The following SCMH1 variants were observed in gnomAD, a reference collection of about 807,000 sequenced individuals.
The protein encoded by SCMH1 is polycomb protein SCMH1.
In SCMH1, 37 loss-of-function variants were observed where a neutral mutation model predicts 70.8. That is an observed-to-expected ratio of 0.52 (90% CI 0.40 to 0.69). The LOEUF (loss-of-function observed/expected upper bound fraction) is 0.69, where lower values mean the gene tolerates loss of function less well. Among genes scored for constraint, SCMH1 ranks in the 30% least tolerant of loss-of-function variants. The pLI is 0.00. For missense variants in SCMH1, 607 were observed against 827.3 expected, an observed-to-expected ratio of 0.73 and a Z score of 3.27; for synonymous variants, 292 against 307.4, an observed-to-expected ratio of 0.95 and a Z score of 0.52.
intron 1 of SCMH1, among the ~76,000 whole-genome samples, chr1:41,213,217 G>A (rs2148810387): frequency 6.6e-6 from 1 of 152,256 alleles, no homozygotes; most frequent in African/African-American, 2.4e-5. Flanking sequence ...AAGTCCCAAA[G>A]AATCAATAGA....
chr1:41,045,013 C>A (rs944263282), intron 12 of SCMH1, among the ~76,000 whole-genome samples: 1 of 152,070 alleles, frequency 6.6e-6, no homozygotes, highest in Non-Finnish European at 1.5e-5. Flanking sequence ...ATGTGCTAAC[C>A]CCCATTCATG....
chr1:41,149,937 A>G (rs551792431), intron 5 of SCMH1, among the ~76,000 whole-genome samples: 8 of 152,158 alleles, frequency 5.3e-5, no homozygotes, highest in Non-Finnish European at 1.0e-4. Flanking sequence ...GACCCTCTGA[A>G]GATCACTGTG....
chr1:41,141,789 T>TA (rs1644102198), intron 6 of SCMH1, among the ~76,000 whole-genome samples: 1 of 152,078 alleles, frequency 6.6e-6, no homozygotes, highest in Admixed American at 6.6e-5. Flanking sequence ...GGATTCTAGT[T>TA]AGATTGATTC....
intron 6 of SCMH1, among the ~76,000 whole-genome samples, chr1:41,127,996 G>A: frequency 6.6e-6 from 1 of 152,108 alleles, no homozygotes; most frequent in East Asian, 1.9e-4. Flanking sequence ...GACAGCCTCA[G>A]CAGACTACCA....
At chr1:41,223,313 G>A (rs1659649779) in intron 1 of SCMH1, among the ~76,000 whole-genome samples, 1 of 152,174 alleles carries the variant, frequency 6.6e-6, no homozygotes. Flanking sequence ...CTGTGCCCAG[G>A]TAATGCAATT....
intron 9 of SCMH1, among the ~76,000 whole-genome samples, chr1:41,073,363 C>T (rs1657172218): frequency 6.6e-6 from 1 of 152,180 alleles, no homozygotes; most frequent in African/African-American, 2.4e-5. Context: ...TCTCCCTCTT[C>T]TGACTGTCCT....
Position 41,203,561 on chromosome 1 carries a change from G to A in SCMH1, c.-117-17311C>T, listed in dbSNP as rs536559960. On this transcript the variant is annotated intron_variant, in intron 1 of 14. Transcript: ENST00000337495. ...TGGTCATAAACTGGTCCCAAAACTG[G>A]CCATAAACAAAATCTCTGCAGCACT... 3.4e-4 allele frequency among the ~76,000 whole-genome samples: 52 copies of A among 152,258 alleles called. No homozygotes were observed. In the South Asian group the frequency reaches 0.011, roughly 31 times the overall value.
At chr1:41,058,300 A>C (rs1385615811) in intron 10 of SCMH1, among the ~76,000 whole-genome samples, 1 of 151,148 alleles carries the variant, frequency 6.6e-6, no homozygotes, top group Non-Finnish European at 1.5e-5. Flanking sequence ...ATGTCTGGGG[A>C]AAATATGAGC....
intron 1 of SCMH1, among the ~76,000 whole-genome samples, chr1:41,226,039 C>CAGA (rs1660214974): frequency 6.6e-6 from 1 of 152,192 alleles, no homozygotes; most frequent in Non-Finnish European, 1.5e-5. Flanking sequence ...TGCTACTATT[C>CAGA]AATGTGTGGT....
chr1:41,240,462 T>G (rs1295201981), intron 1 of SCMH1, among the ~76,000 whole-genome samples: 2 of 151,952 alleles, frequency 1.3e-5, no homozygotes, highest in Non-Finnish European at 2.9e-5. Flanking sequence ...CAGTTAGAAC[T>G]AGAGCAAAGA....
intron 6 of SCMH1, among the ~76,000 whole-genome samples, chr1:41,137,066 T>A (rs1271272165): frequency 6.6e-6 from 1 of 152,126 alleles, no homozygotes; most frequent in Non-Finnish European, 1.5e-5. Context: ...CAGGCATGAA[T>A]TACCATGCCC....
chr1:41,077,946 T>A (rs982431180), intron 8 of SCMH1, among the ~76,000 whole-genome samples: 5 of 152,152 alleles, frequency 3.3e-5, no homozygotes, highest in African/African-American at 9.7e-5. Flanking sequence ...ACCCATATAT[T>A]ATCCAAATAA....
intron 1 of SCMH1, among the ~76,000 whole-genome samples, chr1:41,208,963 C>A (rs1000303979): frequency 6.6e-6 from 1 of 151,926 alleles, no homozygotes; most frequent in African/African-American, 2.4e-5. Context: ...AAAAGATCAA[C>A]AAAATTGTTA....
chr1:41,112,592 T>G (rs1669519065), intron 8 of SCMH1, among the ~76,000 whole-genome samples: 1 of 152,018 alleles, frequency 6.6e-6, no homozygotes, highest in African/African-American at 2.4e-5. Context: ...TATAATATGA[T>G]ATAGTTATAA....
chr1:41,112,314 A>G (rs1669446462), intron 8 of SCMH1, among the ~76,000 whole-genome samples: 1 of 152,154 alleles, frequency 6.6e-6, no homozygotes. Context: ...GGTTTAGAAA[A>G]AGATCCTCAG....
chr1:41,055,591 CA>C (rs1185013602), intron 10 of SCMH1, among the ~76,000 whole-genome samples: 1 of 152,228 alleles, frequency 6.6e-6, no homozygotes, highest in Non-Finnish European at 1.5e-5. Flanking sequence ...CTTGGCCTCC[CA>C]AAGTGCTGCG....
exon 4 of SCMH1, chr1:41,160,881 C>G: frequency 6.5e-7 from 1 of 1,550,186 alleles, no homozygotes; most frequent in African/African-American, 1.4e-5. Context: ...TTACCTAGAT[C>G]CAGGATGTCA....
intron 8 of SCMH1, among the ~76,000 whole-genome samples, chr1:41,108,362 T>C (rs1668508495): frequency 6.6e-6 from 1 of 152,216 alleles, no homozygotes; most frequent in African/African-American, 2.4e-5. Flanking sequence ...GAAACTGGCT[T>C]TCCCAGCCTG....
At chr1:41,073,887 G>A (rs150656770) in intron 9 of SCMH1, among the ~76,000 whole-genome samples, 24 of 152,244 alleles carry the variant, frequency 1.6e-4, no homozygotes, top group African/African-American at 5.3e-4. Flanking sequence ...GAATTAATGA[G>A]ATTGGGATGG....
Sources: allele counts gnomAD v4.1 joint callset (sites outside exome capture counted in the v4.1 genomes callset), GRCh38; gene constraint gnomAD v4.1.1; transcripts MANE v1.5; gene names NCBI Gene and HGNC (gene_info 2026-07-23, HGNC 2026-07-21).